Variants in NUP155 observed in about 807,000 individuals in gnomAD.
NUP155 encodes the protein nuclear pore complex protein Nup155.
Under a neutral mutation model 180.4 loss-of-function variants are expected in NUP155, and 71 were observed. The ratio of observed to expected loss-of-function variants is 0.39; its 90% CI spans 0.33 to 0.48. The LOEUF (loss-of-function observed/expected upper bound fraction) is 0.48. Among genes scored for constraint, NUP155 ranks in the 20% least tolerant of loss-of-function variants. NUP155 has a pLI of 0.91. For missense variants in NUP155, 1,553 were observed against 1,648.9 expected, an observed-to-expected ratio of 0.94 and a Z score of 1.01; for synonymous variants, 582 against 559.5, an observed-to-expected ratio of 1.04 and a Z score of -0.57.
intron 12 of NUP155, among the ~76,000 whole-genome samples, chr5:37,336,700 ACAAAGAAT>A (rs926853041): frequency 7.2e-5 from 11 of 152,176 alleles, no homozygotes; most frequent in African/African-American, 2.7e-4. Flanking sequence ...GGCTGGTAGT[ACAAAGAAT>A]AAAGGAAAGA....
At chr5:37,362,443 C>T (rs772243161) in intron 3 of NUP155, among the ~76,000 whole-genome samples, 28 of 152,000 alleles carry the variant, frequency 1.8e-4, no homozygotes, top group Non-Finnish European at 3.7e-4. Flanking sequence ...CATGTGCCAC[C>T]ATGCCAGGCT....
chr5:37,299,738 A>T (rs1271025198), intron 30 of NUP155, among the ~76,000 whole-genome samples, 170 bp from the exon 31 acceptor site: 1 of 152,136 alleles, frequency 6.6e-6, no homozygotes, highest in African/African-American at 2.4e-5. Flanking sequence ...CCATATTTAA[A>T]AAGTTAAGGG....
At position 37,303,240 on chromosome 5, in the gene NUP155, A is replaced by G. The variant is rs1191865197; in HGVS notation, c.3317+20T>C. On this transcript the variant is annotated intron_variant, in intron 28 of 34. Coordinates refer to ENST00000231498, the MANE Select transcript of NUP155 (RefSeq NM_153485.3). ...GCTCAGTTTTGAATCATTCTTCACA[A>G]TAAGAATATTATGCCATACCTATGC... 6.2e-7 allele frequency: 1 copy of G among 1,611,696 alleles called. No homozygotes were observed. The highest frequency in any genetic ancestry group is 1.3e-5 in the African/African-American group (1 of 75,030).
chr5:37,346,875 G>A (rs1029022631), intron 9 of NUP155, among the ~76,000 whole-genome samples: 1 of 152,072 alleles, frequency 6.6e-6, no homozygotes, highest in East Asian at 1.9e-4. Flanking sequence ...GAAATATTGT[G>A]TTCTGTACTT....
chr5:37,332,840 CCAGCT>C (rs1745067485), intron 13 of NUP155, among the ~76,000 whole-genome samples: 1 of 152,034 alleles, frequency 6.6e-6, no homozygotes, highest in Non-Finnish European at 1.5e-5. Flanking sequence ...GCCTGTATTC[CCAGCT>C]ACTCAGGAGG....
chr5:37,332,320 T>C (rs1021079290), intron 13 of NUP155, among the ~76,000 whole-genome samples: 4 of 135,572 alleles, frequency 3.0e-5, no homozygotes, highest in Non-Finnish European at 6.3e-5. Context: ...CAGCTTTTTT[T>C]TTTTTTTTTT....
intron 20 of NUP155, among the ~76,000 whole-genome samples, chr5:37,320,948 T>A (rs1395113407): frequency 6.6e-6 from 1 of 152,164 alleles, no homozygotes; most frequent in African/African-American, 2.4e-5. Context: ...ACTTCTTAAT[T>A]GGTGTTTAAG....
At chr5:37,348,844 C>T (rs370791046) in intron 8 of NUP155, among the ~76,000 whole-genome samples, 35 of 152,084 alleles carry the variant, frequency 2.3e-4, no homozygotes, top group African/African-American at 7.2e-4. Context: ...CAACCTCCGC[C>T]GCCCAGGTTC....
In NUP155 at chr5:37,327,711, T is replaced by C. The variant is rs1244919132; in HGVS notation, c.1942A>G (p.Asn648Asp). 3 of 1,614,148 alleles carry C rather than the reference T, an allele frequency of 1.9e-6. No individual in the cohort carries two copies. The highest frequency in any genetic ancestry group is 2.2e-5 in the East Asian group (1 of 44,876). Residue 648 changes from asparagine (N) to aspartate (D), a missense_variant, in exon 18 of 35, where the codon AAT becomes GAT. Coordinates refer to ENST00000231498, the MANE Select transcript of NUP155 (RefSeq NM_153485.3). ...TCTGGTCCAGTCACACAACTCATATTTGTGGCCTGAGTTGCTGGGTTTCCC... is the reference window on the plus strand; with the variant it reads ...TCTGGTCCAGTCACACAACTCATATCTGTGGCCTGAGTTGCTGGGTTTCCC... The part of the protein sequence containing the change: ...ALGNPATQAT[N>D]MSCVTGPEIV...
chr5:37,342,722 G>T (rs1333034584), intron 9 of NUP155, 76 bp from the exon 10 acceptor site: 3 of 991,908 alleles, frequency 3.0e-6, no homozygotes, highest in East Asian at 5.1e-5. Context: ...CCATCAGAAT[G>T]TTTACATATT....
intron 25 of NUP155, among the ~76,000 whole-genome samples, chr5:37,306,419 A>G (rs1743157655): frequency 6.6e-6 from 1 of 152,154 alleles, no homozygotes; most frequent in African/African-American, 2.4e-5. Flanking sequence ...AAACAAAAAC[A>G]AAAACAAAAC....
At chr5:37,333,747 A>G in intron 12 of NUP155, 114 bp from the exon 13 acceptor site, 1 of 738,786 alleles carries the variant, frequency 1.4e-6, no homozygotes, top group Non-Finnish European at 2.2e-6. Context: ...TAACATGAAT[A>G]TTTTTGAAAG....
chr5:37,334,873 T>C (rs1745216244), intron 12 of NUP155, among the ~76,000 whole-genome samples: 1 of 152,160 alleles, frequency 6.6e-6, no homozygotes, highest in Non-Finnish European at 1.5e-5. Flanking sequence ...AAAAAGTATT[T>C]TACTGGCTCG....
At chr5:37,308,707 AT>A (rs1294474165) in intron 24 of NUP155, among the ~76,000 whole-genome samples, 3 of 151,052 alleles carry the variant, frequency 2.0e-5, no homozygotes, top group African/African-American at 7.3e-5. Context: ...AATAAAAAAA[AT>A]AAAAAAATAA....
chr5:37,310,819 T>C, intron 22 of NUP155, 76 bp from the exon 23 acceptor site: 1 of 1,191,724 alleles, frequency 8.4e-7, no homozygotes, highest in Non-Finnish European at 1.2e-6. Context: ...TTTTAATAAA[T>C]TAAAATAACC....
At chr5:37,337,033 T>C (rs1211773516) in intron 12 of NUP155, among the ~76,000 whole-genome samples, 5 of 152,190 alleles carry the variant, frequency 3.3e-5, no homozygotes, top group Admixed American at 1.3e-4. Flanking sequence ...CTGTGGGCTA[T>C]GCAGGACTAT....
intron 22 of NUP155, among the ~76,000 whole-genome samples, chr5:37,313,654 C>T (rs981443896): frequency 6.6e-6 from 1 of 152,016 alleles, no homozygotes; most frequent in African/African-American, 2.4e-5. Context: ...GCATGTGCCA[C>T]CACACTTGAC....
Position 37,314,147 on chromosome 5 carries a change from A to T in NUP155, c.2436+51T>A, listed in dbSNP as rs1334745092. The T allele has an allele frequency of 9.5e-6, 13 of 1,375,304 alleles. No individual in the cohort carries two copies. The South Asian group carries it at 1.6e-4, about 17-fold the overall frequency. 85.2% of individuals were successfully genotyped at this position (1,375,304 alleles called of 1,614,324 possible). A position where few individuals can be genotyped will look rare whatever the true frequency, so the allele number is the denominator to read the frequency against. Reference sequence around the variant, plus strand: ...CCAAAGCCAAAATACTCATCCAAAAAATCCAAACATAGTATTAATGGTATA... The same window carrying T: ...CCAAAGCCAAAATACTCATCCAAAATATCCAAACATAGTATTAATGGTATA... On this transcript the variant is annotated intron_variant, in intron 22 of 34. Transcript: ENST00000231498.
rs1021002313 is a variant in NUP155, at chr5:37,332,313, C to CTTTTTTTTT, written c.1519-527_1519-519dup. ...GCAATTGAGGTTTCTGCCATTACAGCTTTTTTTTTTTTTTTTTTTTTTTTT... is the reference window on the plus strand; with the variant it reads ...GCAATTGAGGTTTCTGCCATTACAGCTTTTTTTTTTTTTTTTTTTTTTTTTTTTTTTTTT... On this transcript the variant is annotated intron_variant, in intron 13 of 34. Coordinates refer to ENST00000231498, the MANE Select transcript of NUP155 (RefSeq NM_153485.3). Among the ~76,000 whole-genome samples the CTTTTTTTTT allele has an allele frequency of 8.4e-4, 74 of 87,704 alleles. 8 individuals carry two copies. Among genetic ancestry groups the CTTTTTTTTT allele is most frequent in the African/African-American group, 3.3e-3 (58 of 17,718 alleles). The allele number at this position is 87,704 out of a possible 152,430, so 57.5% of individuals were successfully genotyped here.
Sources: allele counts gnomAD v4.1 joint callset (sites outside exome capture counted in the v4.1 genomes callset), GRCh38; gene constraint gnomAD v4.1.1; transcripts MANE v1.5; gene names NCBI Gene and HGNC (gene_info 2026-07-23, HGNC 2026-07-21).